The following GLIS3 variants were observed in gnomAD, a reference collection of about 807,000 sequenced individuals.
The protein encoded by GLIS3 is zinc finger protein GLIS3.
Under a neutral mutation model 78.6 loss-of-function variants are expected in GLIS3, and 53 were observed. The observed-to-expected ratio is 0.67, with a 90% CI of 0.54 to 0.85. The LOEUF (loss-of-function observed/expected upper bound fraction) is 0.85, where lower values mean the gene tolerates loss of function less well. Among genes scored for constraint, GLIS3 ranks in the 40% least tolerant of loss-of-function variants. The probability of loss-of-function intolerance (pLI) is 0.00; values close to 1 mark genes in which losing one functional copy is unlikely to be tolerated. For synonymous variants in GLIS3, 684 were observed against 509.9 expected (o/e 1.34, Z -4.60); for missense variants, 1,703 against 1,231.1 (o/e 1.38, Z -5.74).
the GLIS3 span, among the ~76,000 whole-genome samples, chr9:4,451,769 G>A: frequency 6.6e-6 from 1 of 152,046 alleles, no homozygotes. Context: ...ATGAAATGAA[G>A]GCAGAAATAA....
intron 4 of GLIS3, among the ~76,000 whole-genome samples, chr9:4,064,668 C>T (rs1826943426): frequency 6.6e-6 from 1 of 152,122 alleles, no homozygotes; most frequent in Non-Finnish European, 1.5e-5. Flanking sequence ...GTGGCGCACA[C>T]CTGTAATCCC....
chr9:4,258,306 AG>A (rs1342346158), intron 2 of GLIS3, among the ~76,000 whole-genome samples: 1 of 150,052 alleles, frequency 6.7e-6, no homozygotes, highest in Non-Finnish European at 1.5e-5. Flanking sequence ...TAAAGTCTAC[AG>A]TTTTAGTTTA....
At chr9:4,224,643 G>C (rs535073083) in intron 2 of GLIS3, among the ~76,000 whole-genome samples, 8 of 151,882 alleles carry the variant, frequency 5.3e-5, no homozygotes, top group Non-Finnish European at 1.0e-4. Flanking sequence ...GACGCATTTT[G>C]AGTCCTAACT....
At chr9:4,369,900 A>C in the GLIS3 span, among the ~76,000 whole-genome samples, 1 of 152,204 alleles carries the variant, frequency 6.6e-6, no homozygotes, top group Non-Finnish European at 1.5e-5. Context: ...AAAGGAATTC[A>C]AGAGAATCAG....
chr9:3,849,151 A>T (rs186733905), intron 9 of GLIS3, among the ~76,000 whole-genome samples: 109 of 152,346 alleles, frequency 7.2e-4, no homozygotes, highest in Non-Finnish European at 1.1e-3. Context: ...AAATAAGAGC[A>T]CACAGTGGAA....
the GLIS3 span, among the ~76,000 whole-genome samples, chr9:4,397,361 T>G: frequency 5.3e-5 from 8 of 151,796 alleles, no homozygotes; most frequent in Non-Finnish European, 8.8e-5. Flanking sequence ...GTTTTGTTTG[T>G]TTGGTTTTTA....
chr9:4,411,376 A>T, the GLIS3 span, among the ~76,000 whole-genome samples: 100 of 152,272 alleles, frequency 6.6e-4, 3 homozygotes, highest in South Asian at 0.021. Flanking sequence ...CTCAGGCACA[A>T]AATATTACCG....
intron 2 of GLIS3, among the ~76,000 whole-genome samples, chr9:4,328,879 G>A (rs780780061): frequency 1.6e-4 from 25 of 152,172 alleles, no homozygotes; most frequent in Non-Finnish European, 3.4e-4. Context: ...ACTATTAGAA[G>A]AGGAGTGTGA....
chr9:4,406,156 T>A, the GLIS3 span, among the ~76,000 whole-genome samples: 1 of 152,020 alleles, frequency 6.6e-6, no homozygotes, highest in Non-Finnish European at 1.5e-5. Flanking sequence ...TCTTCTTAGA[T>A]CTGGAAGACA....
At chr9:4,218,224 A>G (rs779222439) in intron 2 of GLIS3, among the ~76,000 whole-genome samples, 5 of 152,066 alleles carry the variant, frequency 3.3e-5, no homozygotes, top group Non-Finnish European at 5.9e-5. Flanking sequence ...TCTATCCCAA[A>G]TCCATTTACT....
rs149254967 is a variant in GLIS3, at chr9:3,825,014, G to A, written c.*3258C>T. The A allele has an allele frequency of 1.6e-3, 240 of 151,168 alleles. 1 individual carries two copies. Among genetic ancestry groups the A allele is most frequent in the African/African-American group, 5.8e-3 (238 of 41,158 alleles). The allele number at this position is 151,168 out of a possible 1,614,324, so 9.4% of individuals were successfully genotyped here. ...TCCATAAAATGACATGGCCAAGACA[G>A]TCAAATAAAATACCAAATAATTAAA... On this transcript the variant is annotated 3_prime_UTR_variant, in exon 11 of 11. Transcript: ENST00000381971.
At chr9:4,224,571 C>T (rs1432280698) in intron 2 of GLIS3, among the ~76,000 whole-genome samples, 1 of 152,134 alleles carries the variant, frequency 6.6e-6, no homozygotes, top group Non-Finnish European at 1.5e-5. Context: ...ACCGCATTGG[C>T]TACAGGAAAA....
At chr9:4,076,673 A>G (rs1164914962) in intron 4 of GLIS3, among the ~76,000 whole-genome samples, 4 of 152,202 alleles carry the variant, frequency 2.6e-5, no homozygotes, top group African/African-American at 9.7e-5. Flanking sequence ...GTGAATTTAA[A>G]TATGTACTAA....
intron 2 of GLIS3, among the ~76,000 whole-genome samples, chr9:4,204,944 G>A (rs749759045): frequency 3.8e-4 from 58 of 151,536 alleles, no homozygotes; most frequent in Non-Finnish European, 7.8e-4. Flanking sequence ...TTGGGAGGCC[G>A]AGGTGGGCAA....
chr9:4,436,810 C>CAATAA, the GLIS3 span, among the ~76,000 whole-genome samples: 23 of 53,592 alleles, frequency 4.3e-4, no homozygotes, highest in African/African-American at 1.6e-3. Flanking sequence ...GACTGCATCT[C>CAATAA]AAAAAAAAAA....
At chr9:4,258,743 T>A (rs1201546350) in intron 2 of GLIS3, among the ~76,000 whole-genome samples, 2 of 152,170 alleles carry the variant, frequency 1.3e-5, no homozygotes, top group Non-Finnish European at 2.9e-5. Context: ...TTTGTTTTAT[T>A]AATTGCTAGC....
intron 2 of GLIS3, among the ~76,000 whole-genome samples, chr9:4,328,683 A>G (rs1318668462): frequency 6.6e-6 from 1 of 152,246 alleles, no homozygotes; most frequent in East Asian, 1.9e-4. Flanking sequence ...CTGCCTCTCT[A>G]TAGCTTGTGA....
At chr9:4,098,000 G>C (rs931060873) in intron 4 of GLIS3, among the ~76,000 whole-genome samples, 5 of 152,094 alleles carry the variant, frequency 3.3e-5, no homozygotes, top group South Asian at 4.1e-4. Context: ...ACGTATATCA[G>C]AAATAGTTCA....
At chr9:4,443,545 T>C in the GLIS3 span, among the ~76,000 whole-genome samples, 1 of 152,134 alleles carries the variant, frequency 6.6e-6, no homozygotes, top group Non-Finnish European at 1.5e-5. Context: ...GAAAGCAGTG[T>C]CACCCATTTA....
Sources: gnomAD v4.1 joint callset for allele counts (sites outside exome capture counted in the v4.1 genomes callset) on GRCh38, gnomAD v4.1.1 for gene constraint, MANE v1.5 for transcripts, NCBI Gene and HGNC (gene_info 2026-07-23, HGNC 2026-07-21) for gene names.